ACAT2: variants seen among roughly 807,000 people sequenced by gnomAD.
ACAT2 encodes the protein acetyl-CoA acetyltransferase, cytosolic.
ACAT2 carries 26 observed loss-of-function variants against 37.1 expected under a neutral mutation model. That is an observed-to-expected ratio of 0.70 (90% CI 0.51 to 0.97). The LOEUF is 0.97. Ranked by LOEUF, ACAT2 falls within the 50% of genes least tolerant of loss-of-function variation. The pLI, the probability that ACAT2 is intolerant of heterozygous loss-of-function variation, is 0.00. For synonymous variants in ACAT2, 156 were observed against 163.6 expected (o/e 0.95, Z 0.35); for missense variants, 468 against 489.0 (o/e 0.96, Z 0.40).
rs561735155 is a variant in ACAT2, at chr6:159,772,343, C to T, written c.491-2827C>T. 2.6e-5 allele frequency among the ~76,000 whole-genome samples: 4 copies of T among 152,226 alleles called. No homozygotes were observed. In the South Asian group the frequency reaches 6.2e-4, roughly 24 times the overall value. On this transcript the variant is annotated intron_variant, in intron 4 of 8. Transcript: ENST00000367048. ...CTTACATGCTCTGATTTTAACATTACCTATAAAGCTGTTGTAAACAAGACA... is the reference window on the plus strand; with the variant it reads ...CTTACATGCTCTGATTTTAACATTATCTATAAAGCTGTTGTAAACAAGACA...
chr6:159,773,930 G>T (rs1166310499), intron 4 of ACAT2, among the ~76,000 whole-genome samples: 1 of 152,084 alleles, frequency 6.6e-6, no homozygotes, highest in Admixed American at 6.6e-5. Context: ...AAAACTAGTG[G>T]GTGAAAATAT....
intron 1 of ACAT2, chr6:159,762,583 C>A: frequency 1.5e-6 from 2 of 1,362,918 alleles, no homozygotes; most frequent in Non-Finnish European, 1.9e-6. Context: ...TCGTCTCCTT[C>A]GTGCCGCATG....
chr6:159,762,728 C>T, intron 1 of ACAT2, 191 bp from the exon 2 acceptor site: 2 of 1,542,594 alleles, frequency 1.3e-6, no homozygotes, highest in South Asian at 1.2e-5. Context: ...GTCCAGCCCT[C>T]GGCTGCTGCG....
At chr6:159,775,910 C>G (rs970123561) in intron 5 of ACAT2, 26 of 401,846 alleles carry the variant, frequency 6.5e-5, no homozygotes, top group Non-Finnish European at 2.2e-5. Flanking sequence ...TAGCTACTTT[C>G]CTCAGGAAGG....
At chr6:159,767,680 A>G (rs1458307108) in intron 3 of ACAT2, among the ~76,000 whole-genome samples, 2 of 152,128 alleles carry the variant, frequency 1.3e-5, no homozygotes. Flanking sequence ...CAAGTTCCAT[A>G]CCTCAAACTG....
chr6:159,773,303 T>C (rs1257590341), intron 4 of ACAT2, among the ~76,000 whole-genome samples: 1 of 152,106 alleles, frequency 6.6e-6, no homozygotes, highest in Non-Finnish European at 1.5e-5. Flanking sequence ...TTATAAATAA[T>C]ACATATGGAA....
At chr6:159,777,269 C>A in intron 6 of ACAT2, 33 bp from the exon 7 acceptor site, 1 of 1,598,998 alleles carries the variant, frequency 6.3e-7, no homozygotes. Flanking sequence ...GGTTAATAAG[C>A]ATGGTAGAAA....
intron 6 of ACAT2, among the ~76,000 whole-genome samples, chr6:159,776,650 A>G (rs909587994): frequency 6.6e-6 from 1 of 152,234 alleles, no homozygotes; most frequent in Admixed American, 6.5e-5. Context: ...TAGACATACA[A>G]ATGAAGAAGT....
At chr6:159,777,062 C>G (rs1030787622) in intron 6 of ACAT2, among the ~76,000 whole-genome samples, 2 of 152,250 alleles carry the variant, frequency 1.3e-5, no homozygotes, top group African/African-American at 4.8e-5. Context: ...GCTGGGATTA[C>G]AGGCGTGAGC....
rs200420294 is a variant in ACAT2 at position 159,762,149 on chromosome 6, G to A, written c.55+7G>A. ...GCGGCGCGGACCATCATAGGTGAGT[G>A]GCCGGCGGGAGCCGCGCAGAGTCCG... is the stretch of plus-strand genomic sequence containing the variant. On this transcript the variant is annotated splice_region_variant and intron_variant, in intron 1 of 8. Transcript: ENST00000367048. 53 of 1,609,860 alleles carry A rather than the reference G, an allele frequency of 3.3e-5. No homozygotes were observed. In the East Asian group the frequency reaches 1.2e-3, roughly 35 times the overall value.
chr6:159,768,542 T>TA lies in ACAT2; in HGVS notation c.407dup (p.Ile137AspfsTer3). On this transcript the variant is annotated frameshift_variant, in exon 4 of 9. Transcript: ENST00000367048. LOFTEE classifies it high-confidence loss of function. The stretch of plus-strand genomic sequence containing the variant: ...CACTTGGCTTACTTGAGAACAGGAG[T>TA]AAAGATAGGTGAGATGCCACTGACT... 1 of 1,613,830 alleles carries TA rather than the reference T, an allele frequency of 6.2e-7. No individual in the cohort carries two copies. The highest frequency in any genetic ancestry group is 8.5e-7 in the Non-Finnish European group (1 of 1,179,838).
chr6:159,770,009 C>T (rs1780311205), intron 4 of ACAT2, among the ~76,000 whole-genome samples: 1 of 152,196 alleles, frequency 6.6e-6, no homozygotes, highest in Non-Finnish European at 1.5e-5. Context: ...GGAAACCTTA[C>T]TGAACTCCTT....
chr6:159,762,934 C>T lies in ACAT2; in HGVS notation c.71C>T (p.Ala24Val), dbSNP rs1780177419. The T allele has an allele frequency of 1.2e-6, 2 of 1,612,910 alleles. No homozygotes were observed. Among genetic ancestry groups the T allele is most frequent in the South Asian group, 1.1e-5 (1 of 90,982 alleles). Residue 24 changes from alanine to valine, a missense_variant, in exon 2 of 9, where the codon GCC (alanine) becomes GTC (valine). Ala to Val is a moderately conservative substitution (Grantham distance 64). Coordinates refer to ENST00000367048, the MANE Select transcript of ACAT2 (RefSeq NM_005891.3). ...ARTIIGSFNG[A>V]LAAVPVQDLG... ...TCTATTGTAGGTTCCTTCAATGGTG[C>T]CTTAGCTGCTGTTCCTGTCCAGGAC...
At chr6:159,778,599 T>C in intron 8 of ACAT2, 60 bp from the exon 9 acceptor site, 1 of 1,565,588 alleles carries the variant, frequency 6.4e-7, no homozygotes, top group African/African-American at 1.4e-5. Flanking sequence ...AAGACAAGTT[T>C]AAGATTTTAA....
At chr6:159,764,143 G>C (rs113147820) in intron 2 of ACAT2, among the ~76,000 whole-genome samples, 69 of 152,152 alleles carry the variant, frequency 4.5e-4, no homozygotes, top group African/African-American at 1.6e-3. Context: ...CCAGCCTGAC[G>C]CATAGGAAAG....
intron 2 of ACAT2, 71 bp downstream of exon 2, chr6:159,763,124 ACTCT>A (rs970584753): frequency 1.2e-4 from 176 of 1,459,598 alleles, no homozygotes; most frequent in Admixed American, 1.8e-4. Flanking sequence ...ACACACACAC[ACTCT>A]CACACACTCA....
At position 159,768,598 on chromosome 6, in the gene ACAT2, G is replaced by A; in HGVS notation, c.460G>A (p.Ala154Thr). ...DSILCDGLTD[A>T]FHNCHMGITA... ...TATACTCTGTGATGGTCTTACAGATGCATTTCACAACTGTCATATGGGTAT... is the reference window on the plus strand; with the variant it reads ...TATACTCTGTGATGGTCTTACAGATACATTTCACAACTGTCATATGGGTAT... Residue 154 changes from alanine to threonine, a missense_variant, in exon 4 of 9, where the codon GCA becomes ACA. Physicochemically the swap from Ala to Thr is moderately conservative, Grantham distance 58. Transcript: ENST00000367048. 6.2e-7 allele frequency: 1 copy of A among 1,612,656 alleles called. No individual in the cohort carries two copies. Among genetic ancestry groups the A allele is most frequent in the Non-Finnish European group, 8.5e-7 (1 of 1,178,718 alleles).
At position 159,766,417 on chromosome 6, in the gene ACAT2, T is replaced by C. The variant is rs528663269; in HGVS notation, c.191-588T>C. ...AGCACCCCCCCGCACTTTTTTTTTT[T>C]TGAGACGGAGTTTCGCCCTTGTTGC... is the stretch of plus-strand genomic sequence containing the variant. On this transcript the variant is annotated intron_variant, in intron 2 of 8. Coordinates refer to ENST00000367048, the MANE Select transcript of ACAT2 (RefSeq NM_005891.3). 3.3e-5 allele frequency among the ~76,000 whole-genome samples: 5 copies of C among 152,248 alleles called. No homozygotes were observed. In the East Asian group the frequency reaches 9.6e-4, roughly 29 times the overall value.
chr6:159,763,721 G>C (rs1780203065), intron 2 of ACAT2, among the ~76,000 whole-genome samples: 1 of 124,072 alleles, frequency 8.1e-6, no homozygotes. Context: ...CTCACTGCAA[G>C]CTCCGTCTCC....
Sources: gnomAD v4.1 joint callset for allele counts (sites outside exome capture counted in the v4.1 genomes callset) on GRCh38, gnomAD v4.1.1 for gene constraint, MANE v1.5 for transcripts, NCBI Gene and HGNC (gene_info 2026-07-23, HGNC 2026-07-21) for gene names.